PPEF1: variants seen among roughly 807,000 people sequenced by gnomAD.
PPEF1 encodes the protein protein phosphatase with EF-hand domain 1, also known as serine/threonine-protein phosphatase with EF-hands 1.
Under a neutral mutation model 53.3 loss-of-function variants are expected in PPEF1, and 12 were observed. The observed-to-expected ratio is 0.23, with a 90% CI of 0.14 to 0.36. PPEF1 has a LOEUF of 0.36. Ranked by LOEUF, PPEF1 falls within the 10% of genes least tolerant of loss-of-function variation. The probability of loss-of-function intolerance (pLI) is 1.00; values close to 1 mark genes in which losing one functional copy is unlikely to be tolerated. For synonymous variants in PPEF1, 165 were observed against 176.7 expected (o/e 0.93, Z 0.52); for missense variants, 334 against 490.4 (o/e 0.68, Z 3.01).
intron 3 of PPEF1, among the ~76,000 whole-genome samples, chrX:18,688,423 C>T (rs1191423847): frequency 2.7e-5 from 3 of 112,647 alleles, no homozygotes; most frequent in Admixed American, 9.4e-5. Flanking sequence ...TCTTATTGAC[C>T]TGTTAAAGAG....
chrX:18,804,866 C>T (rs1569269440), intron 11 of PPEF1, among the ~76,000 whole-genome samples: 1 of 112,307 alleles, frequency 8.9e-6, no homozygotes, highest in South Asian at 3.7e-4. Context: ...TTAGCTGCAG[C>T]CACTAAAACG....
At chrX:18,726,024 G>C (rs1051498113) in intron 1 of PPEF1, among the ~76,000 whole-genome samples, 1 of 111,053 alleles carries the variant, frequency 9.0e-6, no homozygotes, top group Non-Finnish European at 1.9e-5. Context: ...GTAGATGTCA[G>C]GTGTCCAGCT....
At chrX:18,811,637 A>G (rs1221270490) in intron 12 of PPEF1, among the ~76,000 whole-genome samples, 1 of 70,133 alleles carries the variant, frequency 1.4e-5, no homozygotes, top group African/African-American at 5.6e-5. Context: ...TTTTTTTTTG[A>G]GACAGGGTCT....
At chrX:18,745,781 TCAGGAACAG>T (rs751285948) in intron 3 of PPEF1, among the ~76,000 whole-genome samples, 13 of 112,244 alleles carry the variant, frequency 1.2e-4, no homozygotes, top group Non-Finnish European at 2.3e-4. Context: ...TTTTAAAAAA[TCAGGAACAG>T]ATGTTAAATT....
chrX:18,679,917 C>T (rs139990348), upstream of PPEF1, among the ~76,000 whole-genome samples: 529 of 109,794 alleles, frequency 4.8e-3, 2 homozygotes, highest in African/African-American at 0.016. Flanking sequence ...GATGAAATCC[C>T]GTCTCTACTA....
At chrX:18,798,811 G>T (rs748906076) in intron 10 of PPEF1, among the ~76,000 whole-genome samples, 76 of 111,218 alleles carry the variant, frequency 6.8e-4, no homozygotes, top group African/African-American at 2.3e-3. Context: ...TTTAGTAGAG[G>T]CAGGGTTTCA....
At chrX:18,704,963 A>G (rs1338936396), upstream of PPEF1, among the ~76,000 whole-genome samples, 4 of 111,408 alleles carry the variant, frequency 3.6e-5, no homozygotes, top group African/African-American at 3.3e-5. Context: ...CAAGTTGCTT[A>G]ACTTCCTTGC....
intron 10 of PPEF1, among the ~76,000 whole-genome samples, chrX:18,802,045 C>T (rs1241588517): frequency 9.2e-6 from 1 of 109,052 alleles, no homozygotes; most frequent in Admixed American, 9.9e-5. Context: ...AAAGACGGAG[C>T]CTCCAATCTT....
chrX:18,799,905 T>G (rs891016007), intron 10 of PPEF1, among the ~76,000 whole-genome samples: 9 of 111,979 alleles, frequency 8.0e-5, no homozygotes, highest in African/African-American at 2.9e-4. Flanking sequence ...GCAATTTTTT[T>G]GTGAGTTCTG....
intron 14 of PPEF1, 135 bp downstream of exon 14, chrX:18,824,221 C>T: frequency 1.5e-6 from 1 of 646,077 alleles, no homozygotes; most frequent in Non-Finnish European, 2.2e-6. Context: ...GCGGGCAGAT[C>T]CCGAGGTCAG....
Position 18,826,417 on chromosome X carries a change from C to CTTTTTTTT in PPEF1, c.1750+603_1750+610dup, listed in dbSNP as rs58697941. On this transcript the variant is annotated intron_variant, in intron 15 of 15. Transcript: ENST00000470157. ...AAGGGCTATGAAAAGTCATTTTCTG[C>CTTTTTTTT]TTTTTTTTTTTTTTTTTTTTTTTTT... is the stretch of plus-strand genomic sequence containing the variant. Among the ~76,000 whole-genome samples the CTTTTTTTT allele has an allele frequency of 6.1e-4, 15 of 24,631 alleles. 4 individuals are homozygous for CTTTTTTTT. The highest frequency in any genetic ancestry group is 2.9e-3 in the African/African-American group (14 of 4,827). 21.4% of individuals were successfully genotyped at this position (24,631 alleles called of 115,157 possible).
intron 10 of PPEF1, among the ~76,000 whole-genome samples, chrX:18,793,457 T>G (rs1395793892): frequency 8.9e-6 from 1 of 112,006 alleles, no homozygotes; most frequent in Non-Finnish European, 1.9e-5. Context: ...TTTTCTTTTT[T>G]TGGTAAATCC....
At chrX:18,802,669 C>T (rs897131118) in intron 10 of PPEF1, among the ~76,000 whole-genome samples, 7 of 111,937 alleles carry the variant, frequency 6.3e-5, no homozygotes, top group African/African-American at 2.3e-4. Context: ...AAAAACCTGG[C>T]CCAGAGCCAC....
intron 13 of PPEF1, among the ~76,000 whole-genome samples, chrX:18,823,518 T>C (rs1457743554): frequency 9.2e-6 from 1 of 109,248 alleles, no homozygotes; most frequent in African/African-American, 3.3e-5. Context: ...TCCCAGATAC[T>C]TGGGAGGCTG....
At chrX:18,766,702 T>G (rs1218983567) in intron 6 of PPEF1, among the ~76,000 whole-genome samples, 2 of 111,618 alleles carry the variant, frequency 1.8e-5, no homozygotes, top group African/African-American at 6.5e-5. Flanking sequence ...CACAGCAGAT[T>G]AGGGAGTGGG....
chrX:18,762,678 A>G (rs1213131652), intron 6 of PPEF1, among the ~76,000 whole-genome samples: 2 of 111,951 alleles, frequency 1.8e-5, no homozygotes, highest in African/African-American at 6.5e-5. Context: ...CACATAGGGT[A>G]ACTTCCTGAG....
chrX:18,760,424 A>G (rs5909231), intron 5 of PPEF1, among the ~76,000 whole-genome samples: 49,145 of 109,948 alleles, frequency 0.45, 8,758 homozygotes, highest in Non-Finnish European at 0.57. Flanking sequence ...AGTATATTAA[A>G]AACACGGCTT....
intron 6 of PPEF1, among the ~76,000 whole-genome samples, chrX:18,701,630 A>G (rs1930127364): frequency 8.9e-6 from 1 of 112,226 alleles, no homozygotes; most frequent in African/African-American, 3.2e-5. Context: ...GAGATGCTTT[A>G]CTTCAAAAGG....
At chrX:18,701,378 C>T (rs1930107033) in intron 6 of PPEF1, among the ~76,000 whole-genome samples, 1 of 112,208 alleles carries the variant, frequency 8.9e-6, no homozygotes, top group Non-Finnish European at 1.9e-5. Flanking sequence ...AGTGGGTTCC[C>T]ACCCATGCAT....
Sources: allele counts gnomAD v4.1 joint callset (sites outside exome capture counted in the v4.1 genomes callset), GRCh38; gene constraint gnomAD v4.1.1; transcripts MANE v1.5; gene names NCBI Gene and HGNC (gene_info 2026-07-23, HGNC 2026-07-21).